DEUP1: variants seen among roughly 807,000 people sequenced by gnomAD.
The protein encoded by DEUP1 is coiled-coil domain containing 67.
DEUP1 carries 82 observed loss-of-function variants against 87.4 expected under a neutral mutation model. That is an observed-to-expected ratio of 0.94 (90% CI 0.78 to 1.13). The LOEUF (loss-of-function observed/expected upper bound fraction) is 1.13. DEUP1 is among the 50% of genes most tolerant of loss of function. DEUP1 has a pLI of 0.00. For synonymous variants in DEUP1, 214 were observed against 222.7 expected (o/e 0.96, Z 0.35); for missense variants, 663 against 681.5 (o/e 0.97, Z 0.30).
chr11:93,433,292 G>T (rs942677505), intron 13 of DEUP1, among the ~76,000 whole-genome samples: 2 of 152,192 alleles, frequency 1.3e-5, no homozygotes, highest in Admixed American at 6.5e-5. Context: ...AGGCAAGAGG[G>T]ATTGCTTGAG....
intron 3 of DEUP1, among the ~76,000 whole-genome samples, chr11:93,355,963 G>A (rs1469876898): frequency 6.6e-6 from 1 of 152,182 alleles, no homozygotes; most frequent in African/African-American, 2.4e-5. Flanking sequence ...TTGATAATAG[G>A]ACAAAGGAGA....
At chr11:93,402,906 C>T (rs1007668301) in intron 11 of DEUP1, among the ~76,000 whole-genome samples, 8 of 151,712 alleles carry the variant, frequency 5.3e-5, no homozygotes, top group Non-Finnish European at 1.0e-4. Flanking sequence ...AGTTGGTTAA[C>T]GGGTACAAGT....
In DEUP1 at chr11:93,415,133, G is replaced by C; in HGVS notation, c.1638+19G>C. On this transcript the variant is annotated intron_variant, in intron 13 of 13. Transcript: ENST00000298050. ...CCCACTGGTGAGTTGCTGGTTGTGGGCTTTTTTTTTCTTTAATGGGTTATT... is the reference window on the plus strand; with the variant it reads ...CCCACTGGTGAGTTGCTGGTTGTGGCCTTTTTTTTTCTTTAATGGGTTATT... 6.7e-7 allele frequency: 1 copy of C among 1,502,164 alleles called. No individual in the cohort carries two copies. Among genetic ancestry groups the C allele is most frequent in the Non-Finnish European group, 9.2e-7 (1 of 1,082,658 alleles). The allele number at this position is 1,502,164 out of a possible 1,614,324, so 93.1% of individuals were successfully genotyped here.
rs923423595 is a variant in DEUP1, at chr11:93,394,608, G to A, written c.1191G>A (p.Gln397=). 12 of 1,611,812 alleles carry A rather than the reference G, an allele frequency of 7.4e-6. No homozygotes were observed. The highest frequency in any genetic ancestry group is 9.3e-6 in the Non-Finnish European group (11 of 1,179,336). The part of the protein sequence containing the change: ...VTKKAALLEK[Q]LKMELEIKEK... The stretch of plus-strand genomic sequence containing the variant: ...AGAAAGCTGCCCTTCTGGAAAAACA[G>A]TTAAAAATGGAATTAGAAATAAAAG... The change falls in exon 10 of 14, where the codon CAG becomes CAA. Residue 397 remains glutamine (Q), a synonymous_variant. Transcript: ENST00000298050.
At chr11:93,393,737 G>A (rs1946844442) in intron 9 of DEUP1, among the ~76,000 whole-genome samples, 2 of 152,126 alleles carry the variant, frequency 1.3e-5, no homozygotes, top group Non-Finnish European at 1.5e-5. Flanking sequence ...CTAGAAAGAT[G>A]CTAAGAGGCT....
At chr11:93,378,112 C>G (rs1946128483) in intron 7 of DEUP1, among the ~76,000 whole-genome samples, 1 of 152,072 alleles carries the variant, frequency 6.6e-6, no homozygotes, top group Non-Finnish European at 1.5e-5. Flanking sequence ...GATGAATTTC[C>G]CAGGTGTTCT....
intron 13 of DEUP1, among the ~76,000 whole-genome samples, chr11:93,419,319 AC>A (rs1947783708): frequency 6.6e-6 from 1 of 152,162 alleles, no homozygotes; most frequent in African/African-American, 2.4e-5. Context: ...ATTAAAGGCA[AC>A]CTTCCAGAAC....
Position 93,371,204 on chromosome 11 carries a change from C to G in DEUP1, c.713C>G (p.Ala238Gly), listed in dbSNP as rs1452814469. ...CTGAAATCAGCTGTAAATGAGATAG[C>G]ACTAAGCAGGAATAAATTACAAGAT... ...EKLKSAVNEI[A>G]LSRNKLQDEN... is the part of the protein sequence containing the mutation. The change falls in exon 7 of 14, where the codon GCA becomes GGA. Residue 238 changes from alanine to glycine, a missense_variant. By Grantham distance (60) the Ala-to-Gly change is moderately conservative. Coordinates refer to ENST00000298050, the MANE Select transcript of DEUP1 (RefSeq NM_181645.4). 5.0e-6 allele frequency: 8 copies of G among 1,612,794 alleles called. No individual in the cohort carries two copies. The highest frequency in any genetic ancestry group is 1.7e-5 in the Admixed American group (1 of 59,922).
At chr11:93,430,710 C>A (rs2134503223) in intron 13 of DEUP1, among the ~76,000 whole-genome samples, 2 of 152,184 alleles carry the variant, frequency 1.3e-5, no homozygotes, top group South Asian at 4.1e-4. Flanking sequence ...GCCACTGAAC[C>A]ACTCATTTTG....
intron 11 of DEUP1, among the ~76,000 whole-genome samples, chr11:93,406,492 T>C (rs1209174386): frequency 6.6e-6 from 1 of 151,552 alleles, no homozygotes. Flanking sequence ...AATAATTAAA[T>C]GTAAAATAAT....
At position 93,415,972 on chromosome 11, in the gene DEUP1, T is replaced by C. The variant is rs190132782; in HGVS notation, c.1638+858T>C. Among the ~76,000 whole-genome samples, 4 of 152,256 alleles carry C rather than the reference T, an allele frequency of 2.6e-5. No individual in the cohort carries two copies. The East Asian group carries it at 7.7e-4, about 29-fold the overall frequency. ...GCCAAAAAATTCTTTTATGAGTCTT[T>C]TGGTGCATGTGTATATACATTTCCA... On this transcript the variant is annotated intron_variant, in intron 13 of 13. Transcript: ENST00000298050.
intron 13 of DEUP1, among the ~76,000 whole-genome samples, chr11:93,430,529 T>A (rs1048621175): frequency 6.6e-6 from 1 of 152,102 alleles, no homozygotes; most frequent in Non-Finnish European, 1.5e-5. Context: ...AATAGCCAAA[T>A]AGGTAAATGA....
chr11:93,334,818 T>A (rs1368631692), intron 2 of DEUP1, among the ~76,000 whole-genome samples: 1 of 150,470 alleles, frequency 6.6e-6, no homozygotes, highest in Non-Finnish European at 1.5e-5. Flanking sequence ...ATGTTTGTTC[T>A]TTTTGTTTTT....
At chr11:93,436,919 G>A (rs1948263826) in intron 13 of DEUP1, among the ~76,000 whole-genome samples, 1 of 151,896 alleles carries the variant, frequency 6.6e-6, no homozygotes, top group African/African-American at 2.4e-5. Flanking sequence ...GCACTAAACA[G>A]GTCACAAACA....
intron 4 of DEUP1, among the ~76,000 whole-genome samples, chr11:93,363,497 T>C (rs1329755959): frequency 4.6e-5 from 7 of 151,760 alleles, no homozygotes; most frequent in Non-Finnish European, 1.0e-4. Flanking sequence ...TATTTTAAAA[T>C]AAAATGTGTA....
intron 13 of DEUP1, among the ~76,000 whole-genome samples, chr11:93,419,041 G>T (rs1286440504): frequency 1.3e-5 from 2 of 148,864 alleles, no homozygotes; most frequent in South Asian, 2.1e-4. Flanking sequence ...GTGGGGTGGC[G>T]GGAGGGGGGA....
chr11:93,350,045 C>G (rs759795998), intron 2 of DEUP1, among the ~76,000 whole-genome samples: 1 of 152,152 alleles, frequency 6.6e-6, no homozygotes, highest in Non-Finnish European at 1.5e-5. Context: ...TTGGCTTTCT[C>G]TAGTTTGTCC....
At chr11:93,387,882 G>A (rs1476022023) in intron 8 of DEUP1, among the ~76,000 whole-genome samples, 1 of 152,032 alleles carries the variant, frequency 6.6e-6, no homozygotes, top group Non-Finnish European at 1.5e-5. Context: ...TGTATAGTAT[G>A]TTCTAATTAT....
chr11:93,428,080 T>A (rs1216531160), intron 13 of DEUP1, among the ~76,000 whole-genome samples: 3 of 151,974 alleles, frequency 2.0e-5, no homozygotes, highest in Non-Finnish European at 4.4e-5. Context: ...TCCTCAGGGA[T>A]CTAGAACTAG....
Sources: allele counts gnomAD v4.1 joint callset (sites outside exome capture counted in the v4.1 genomes callset), GRCh38; gene constraint gnomAD v4.1.1; transcripts MANE v1.5; gene names NCBI Gene and HGNC (gene_info 2026-07-23, HGNC 2026-07-21).